Variants in NOX4 observed in about 807,000 individuals in gnomAD.
The protein encoded by NOX4 is kidney oxidase-1.
A neutral mutation model predicts 87.6 loss-of-function variants in NOX4; 69 were observed. The ratio of observed to expected loss-of-function variants is 0.79; its 90% CI spans 0.65 to 0.96. The LOEUF is 0.96. Among genes scored for constraint, NOX4 ranks in the 40% least tolerant of loss-of-function variants. The probability of loss-of-function intolerance (pLI) is 0.00; values close to 1 mark genes in which losing one functional copy is unlikely to be tolerated. For synonymous variants in NOX4, 275 were observed against 238.2 expected, an observed-to-expected ratio of 1.15 and a Z score of -1.42; for missense variants, 680 against 681.5, an observed-to-expected ratio of 1.00 and a Z score of 0.02.
intron 8 of NOX4, among the ~76,000 whole-genome samples, chr11:89,420,443 G>A (rs1031631971): frequency 1.3e-5 from 2 of 151,924 alleles, no homozygotes; most frequent in African/African-American, 4.8e-5. Flanking sequence ...ATCTACCAAG[G>A]GCTTTCTCGG....
intron 15 of NOX4, among the ~76,000 whole-genome samples, chr11:89,339,102 C>A (rs1231223262): frequency 6.6e-6 from 1 of 152,088 alleles, no homozygotes; most frequent in Admixed American, 6.6e-5. Flanking sequence ...GAATGACTGA[C>A]TGAATGAGTG....
At chr11:89,463,149 T>C (rs1489878220) in intron 2 of NOX4, among the ~76,000 whole-genome samples, 1 of 151,958 alleles carries the variant, frequency 6.6e-6, no homozygotes, top group Non-Finnish European at 1.5e-5. Context: ...AAAATAATTA[T>C]GTATGTAAAT....
rs546164706 is a variant in NOX4, at chr11:89,401,778, G to T, written c.846+548C>A. On this transcript the variant is annotated intron_variant, in intron 9 of 17. Coordinates refer to ENST00000263317, the MANE Select transcript of NOX4 (RefSeq NM_016931.5). ...CAATTTCTTTATCAGAAAATCGAGG[G>T]TGATATTAATTACTTCAAATAGTCA... Among the ~76,000 whole-genome samples the T allele has an allele frequency of 9.4e-4, 143 of 152,126 alleles. 1 individual carries two copies. The highest frequency in any genetic ancestry group is 3.2e-3 in the African/African-American group (134 of 41,510).
intron 2 of NOX4, among the ~76,000 whole-genome samples, chr11:89,481,537 T>C (rs1262917356): frequency 6.6e-6 from 1 of 151,930 alleles, no homozygotes; most frequent in Non-Finnish European, 1.5e-5. Flanking sequence ...GGGAGAGAAA[T>C]GCTTAACCAC....
chr11:89,366,262 A>G (rs1938975661), intron 12 of NOX4, among the ~76,000 whole-genome samples: 1 of 152,138 alleles, frequency 6.6e-6, no homozygotes, highest in East Asian at 1.9e-4. Flanking sequence ...GACTCTAAGC[A>G]ACTTTTAGGA....
At chr11:89,379,515 A>G (rs1166115495) in intron 11 of NOX4, among the ~76,000 whole-genome samples, 1 of 152,196 alleles carries the variant, frequency 6.6e-6, no homozygotes, top group Non-Finnish European at 1.5e-5. Flanking sequence ...ATGTATAGAA[A>G]TAACTGGTCG....
chr11:89,439,151 A>T (rs540929624), intron 6 of NOX4, among the ~76,000 whole-genome samples: 184 of 148,884 alleles, frequency 1.2e-3, no homozygotes, highest in South Asian at 9.2e-3. Flanking sequence ...TTTTCAAAGC[A>T]TTTTAAAGGT....
intron 12 of NOX4, among the ~76,000 whole-genome samples, chr11:89,365,372 C>A (rs770066149): frequency 6.6e-6 from 1 of 151,762 alleles, no homozygotes; most frequent in Non-Finnish European, 1.5e-5. Flanking sequence ...TGAATCAATG[C>A]CTAGAACTGG....
At chr11:89,534,400 T>A in the NOX4 span, among the ~76,000 whole-genome samples, 1 of 152,246 alleles carries the variant, frequency 6.6e-6, no homozygotes, top group East Asian at 1.9e-4. Flanking sequence ...GTTGGCATGA[T>A]CTATAGGCTT....
the NOX4 span, among the ~76,000 whole-genome samples, chr11:89,583,695 A>G: frequency 0.021 from 3,205 of 152,178 alleles, 92 homozygotes; most frequent in African/African-American, 0.066. Context: ...TTCTGTCATT[A>G]CTATCCCTGT....
chr11:89,472,162 T>TA (rs567169783), intron 2 of NOX4, among the ~76,000 whole-genome samples: 3 of 152,090 alleles, frequency 2.0e-5, no homozygotes, highest in Admixed American at 1.3e-4. Context: ...TCATTTCTTT[T>TA]AAAAAAAATT....
At chr11:89,545,247 A>G in the NOX4 span, 1 of 152,114 alleles carries the variant, frequency 6.6e-6, no homozygotes, top group Admixed American at 6.6e-5. Context: ...TGCTTTGACT[A>G]CGATTGTGAA....
At chr11:89,442,056 C>T (rs1481415401) in intron 5 of NOX4, among the ~76,000 whole-genome samples, 1 of 147,044 alleles carries the variant, frequency 6.8e-6, no homozygotes, top group African/African-American at 2.5e-5. Context: ...TATTTAAATA[C>T]ATAAGTATAT....
At chr11:89,534,978 G>A in the NOX4 span, among the ~76,000 whole-genome samples, 1 of 152,136 alleles carries the variant, frequency 6.6e-6, no homozygotes, top group South Asian at 2.1e-4. Context: ...TTAAAGCCTT[G>A]AATTTGAAGC....
the NOX4 span, among the ~76,000 whole-genome samples, chr11:89,511,898 T>G: frequency 6.6e-6 from 1 of 152,064 alleles, no homozygotes; most frequent in Non-Finnish European, 1.5e-5. Context: ...GAGGACAATT[T>G]ACTGAAATAA....
At chr11:89,441,058 T>C (rs1347981781) in intron 5 of NOX4, among the ~76,000 whole-genome samples, 1 of 152,192 alleles carries the variant, frequency 6.6e-6, no homozygotes, top group Non-Finnish European at 1.5e-5. Context: ...GCCATGATGT[T>C]AAACTATTAT....
At chr11:89,433,715 A>G (rs1460282960) in intron 6 of NOX4, among the ~76,000 whole-genome samples, 1 of 152,106 alleles carries the variant, frequency 6.6e-6, no homozygotes, top group Non-Finnish European at 1.5e-5. Flanking sequence ...TAGTATGAAA[A>G]ATATGTTGAA....
the NOX4 span, among the ~76,000 whole-genome samples, chr11:89,556,696 A>G: frequency 0.015 from 2,253 of 152,288 alleles, 60 homozygotes; most frequent in African/African-American, 0.052. Context: ...GGGTTACCTC[A>G]ATTCAGGGGA....
At chr11:89,436,728 T>A (rs1271251465) in intron 6 of NOX4, among the ~76,000 whole-genome samples, 1 of 152,096 alleles carries the variant, frequency 6.6e-6, no homozygotes, top group Non-Finnish European at 1.5e-5. Context: ...TTCTGAGGGT[T>A]TTTAAAATTA....
Sources: allele counts gnomAD v4.1 joint callset (sites outside exome capture counted in the v4.1 genomes callset), GRCh38; gene constraint gnomAD v4.1.1; transcripts MANE v1.5; gene names NCBI Gene and HGNC (gene_info 2026-07-23, HGNC 2026-07-21).